FRZB: variants seen among roughly 807,000 people sequenced by gnomAD.
The protein encoded by FRZB is frizzled related protein.
FRZB carries 34 observed loss-of-function variants against 32.5 expected under a neutral mutation model. The observed-to-expected ratio is 1.05, with a 90% CI of 0.80 to 1.39. The LOEUF is 1.39. FRZB is among the 40% of genes most tolerant of loss of function. The probability of loss-of-function intolerance (pLI) is 0.00; values close to 1 mark genes in which losing one functional copy is unlikely to be tolerated. For synonymous variants in FRZB, 170 were observed against 159.2 expected (o/e 1.07, Z -0.51); for missense variants, 423 against 424.8 (o/e 1.00, Z 0.04).
At chr2:182,836,136 A>T (rs1451753722) in intron 5 of FRZB, among the ~76,000 whole-genome samples, 1 of 152,112 alleles carries the variant, frequency 6.6e-6, no homozygotes, top group Non-Finnish European at 1.5e-5. Context: ...CTTCCCAAGG[A>T]AGTCCAAACA....
intron 2 of FRZB, among the ~76,000 whole-genome samples, chr2:182,853,400 AC>A (rs1201641991): frequency 2.0e-5 from 3 of 152,242 alleles, no homozygotes; most frequent in Non-Finnish European, 4.4e-5. Flanking sequence ...AGAAATTTTG[AC>A]CCACCAATTG....
In FRZB at chr2:182,834,929, T is replaced by C; in HGVS notation, c.898A>G (p.Lys300Glu). 6.2e-7 allele frequency: 1 copy of C among 1,613,372 alleles called. No homozygotes were observed. The highest frequency in any genetic ancestry group is 8.5e-7 in the Non-Finnish European group (1 of 1,179,538). ...GAATCACTATTGCTAGAATCACTTTTACTGAGTCCAAGATGACGAAGCTTC... is the reference window on the plus strand; with the variant it reads ...GAATCACTATTGCTAGAATCACTTTCACTGAGTCCAAGATGACGAAGCTTC... ...DMKLRHLGLS[K>E]SDSSNSDSTQ... Residue 300 changes from lysine (K) to glutamate (E), a missense_variant, in exon 6 of 6, where the codon AAA becomes GAA. By Grantham distance (56) the Lys-to-Glu change is moderately conservative. Coordinates refer to ENST00000295113, the MANE Select transcript of FRZB (RefSeq NM_001463.4).
At chr2:182,835,733 C>T (rs1695517827) in intron 5 of FRZB, among the ~76,000 whole-genome samples, 2 of 152,000 alleles carry the variant, frequency 1.3e-5, no homozygotes, top group African/African-American at 4.8e-5. Context: ...GTTAAAATTG[C>T]AAATTCTCAT....
chr2:182,856,759 A>G (rs1695774512), intron 2 of FRZB, among the ~76,000 whole-genome samples: 1 of 152,156 alleles, frequency 6.6e-6, no homozygotes, highest in Non-Finnish European at 1.5e-5. Flanking sequence ...CAATTCACCA[A>G]TAAGACATAA....
At position 182,834,915 on chromosome 2, in the gene FRZB, G is replaced by T. The variant is rs1270722170; in HGVS notation, c.912C>A (p.Ser304Arg). 8 of 1,613,406 alleles carry T rather than the reference G, an allele frequency of 5.0e-6. No homozygotes were observed. The highest frequency in any genetic ancestry group is 5.9e-6 in the Non-Finnish European group (7 of 1,179,592). Residue 304 changes from serine (S) to arginine (R), a missense_variant, in exon 6 of 6, where the codon AGC becomes AGA. Coordinates refer to ENST00000295113, the MANE Select transcript of FRZB (RefSeq NM_001463.4). Reference sequence around the variant, plus strand: ...TCTGACTCTGAGTGGAATCACTATTGCTAGAATCACTTTTACTGAGTCCAA... The same window carrying T: ...TCTGACTCTGAGTGGAATCACTATTTCTAGAATCACTTTTACTGAGTCCAA... ...RHLGLSKSDS[S>R]NSDSTQSQKS...
At chr2:182,862,622 A>G (rs997895819) in intron 1 of FRZB, among the ~76,000 whole-genome samples, 1 of 152,234 alleles carries the variant, frequency 6.6e-6, no homozygotes, top group Non-Finnish European at 1.5e-5. Flanking sequence ...ATCTGCATTT[A>G]CCAACATAAC....
At chr2:182,854,947 C>T (rs947575003) in intron 2 of FRZB, among the ~76,000 whole-genome samples, 3 of 152,206 alleles carry the variant, frequency 2.0e-5, no homozygotes, top group African/African-American at 7.2e-5. Context: ...CTACTGAAGT[C>T]ACCCCTGGGC....
At chr2:182,853,732 A>T (rs915114445) in intron 2 of FRZB, among the ~76,000 whole-genome samples, 1 of 152,190 alleles carries the variant, frequency 6.6e-6, no homozygotes, top group Non-Finnish European at 1.5e-5. Flanking sequence ...ACTTATTTAC[A>T]ACTTAATAAA....
intron 3 of FRZB, among the ~76,000 whole-genome samples, chr2:182,841,293 T>C (rs1695583631): frequency 6.6e-6 from 1 of 152,128 alleles, no homozygotes; most frequent in South Asian, 2.1e-4. Context: ...AAACCCAAAA[T>C]TTTCAACTTT....
At position 182,857,150 on chromosome 2, in the gene FRZB, A is replaced by T. The variant is rs1005776401; in HGVS notation, c.526+1636T>A. Among the ~76,000 whole-genome samples the T allele has an allele frequency of 7.9e-5, 12 of 152,280 alleles. No homozygotes were observed. In the South Asian group the frequency reaches 2.5e-3, roughly 32 times the overall value. The stretch of plus-strand genomic sequence containing the variant: ...TTTGAAAAATAGCAAAGATAATAGG[A>T]AAATCCTCAAAAAGCAGCAAATTAA... On this transcript the variant is annotated intron_variant, in intron 2 of 5. Transcript: ENST00000295113.
intron 2 of FRZB, among the ~76,000 whole-genome samples, chr2:182,845,068 C>A (rs951091220): frequency 1.1e-4 from 16 of 152,038 alleles, no homozygotes; most frequent in Non-Finnish European, 2.2e-4. Flanking sequence ...TATGAAAGAA[C>A]CTCCTCTCAT....
intron 2 of FRZB, among the ~76,000 whole-genome samples, chr2:182,848,295 C>T (rs566181786): frequency 2.0e-5 from 3 of 152,148 alleles, no homozygotes; most frequent in Non-Finnish European, 4.4e-5. Flanking sequence ...GGATCATCTA[C>T]CTTATCATCA....
chr2:182,857,565 T>G (rs971210855), intron 2 of FRZB, among the ~76,000 whole-genome samples: 1 of 147,952 alleles, frequency 6.8e-6, no homozygotes, highest in African/African-American at 2.5e-5. Flanking sequence ...TGTGGTGAGC[T>G]GAGATTGCAT....
chr2:182,858,220 T>C (rs1431605182), intron 2 of FRZB, among the ~76,000 whole-genome samples: 1 of 152,230 alleles, frequency 6.6e-6, no homozygotes, highest in Non-Finnish European at 1.5e-5. Context: ...AGTAGCTCTA[T>C]TCGCGATTGC....
rs758539530 is a variant in FRZB, at chr2:182,866,078, C to T, written c.475G>A (p.Ala159Thr). 8 of 1,606,882 alleles carry T rather than the reference C, an allele frequency of 5.0e-6. No individual in the cohort carries two copies. Among genetic ancestry groups the T allele is most frequent in the Non-Finnish European group, 6.0e-6 (7 of 1,175,060 alleles). ...GGTGGGCCGTGTCAAAACTCACCAG[C>T]TCCGTCCGCAGTAACGATGGCCTCG... ...SPEAIVTADG[A>T]DFPMDSSNGN... The change falls in exon 1 of 6, where the codon GCT becomes ACT. Residue 159 changes from alanine to threonine, a missense_variant. Transcript: ENST00000295113. The surrounding 1 kb of genome is among the most constrained non-coding windows in gnomAD (Gnocchi z 4.5).
intron 1 of FRZB, among the ~76,000 whole-genome samples, chr2:182,861,008 C>G (rs1211119432): frequency 6.6e-6 from 1 of 151,968 alleles, no homozygotes; most frequent in Non-Finnish European, 1.5e-5. Context: ...ATGCTGAGAC[C>G]GAGAGACTAG....
intron 2 of FRZB, among the ~76,000 whole-genome samples, chr2:182,851,003 A>G (rs1695704357): frequency 6.6e-6 from 1 of 152,104 alleles, no homozygotes; most frequent in Non-Finnish European, 1.5e-5. Flanking sequence ...CCTGTTGGCC[A>G]TTTGTAAGTC....
At chr2:182,846,093 G>C (rs964122530) in intron 2 of FRZB, among the ~76,000 whole-genome samples, 1 of 152,136 alleles carries the variant, frequency 6.6e-6, no homozygotes, top group Non-Finnish European at 1.5e-5. Flanking sequence ...TCTTTATTCA[G>C]TTTTGCTCAT....
chr2:182,864,260 G>A (rs142715242), intron 1 of FRZB, among the ~76,000 whole-genome samples: 4 of 152,222 alleles, frequency 2.6e-5, no homozygotes, highest in Non-Finnish European at 5.9e-5. Flanking sequence ...CTCACTCTAG[G>A]TCCACCTCTA....
Sources: allele counts gnomAD v4.1 joint callset (sites outside exome capture counted in the v4.1 genomes callset), GRCh38; gene constraint gnomAD v4.1.1; non-coding constraint Gnocchi (gnomAD v3.1); transcripts MANE v1.5; gene names NCBI Gene and HGNC (gene_info 2026-07-23, HGNC 2026-07-21).